The following ANKRD30A variants were observed in gnomAD, a reference collection of about 807,000 sequenced individuals.
ANKRD30A encodes the protein ankyrin repeat domain 30A, also known as ankyrin repeat domain-containing protein 30A.
A neutral mutation model predicts 166.3 loss-of-function variants in ANKRD30A; 170 were observed. The ratio of observed to expected loss-of-function variants is 1.02; its 90% CI spans 0.90 to 1.16. The LOEUF is 1.16. ANKRD30A is among the 50% of genes most tolerant of loss of function. The pLI is 0.00. For missense variants in ANKRD30A, 1,630 were observed against 1,518.0 expected (o/e 1.07, Z -1.23); for synonymous variants, 564 against 508.9 (o/e 1.11, Z -1.46).
chr10:37,199,466 C>T (rs1338725931), intron 29 of ANKRD30A, among the ~76,000 whole-genome samples: 2 of 151,886 alleles, frequency 1.3e-5, no homozygotes, highest in Admixed American at 6.6e-5. Flanking sequence ...TATGTGACTG[C>T]TTTGTGAAGA....
downstream of ANKRD30A, among the ~76,000 whole-genome samples, chr10:37,233,685 A>G (rs1471238207): frequency 2.0e-5 from 3 of 152,188 alleles, no homozygotes; most frequent in African/African-American, 7.2e-5. Flanking sequence ...ATGTTTTCAT[A>G]CCTTCTTTAT....
chr10:37,160,623 A>G (rs568458314), intron 15 of ANKRD30A, among the ~76,000 whole-genome samples: 29 of 152,324 alleles, frequency 1.9e-4, no homozygotes, highest in African/African-American at 6.5e-4. Flanking sequence ...TTTTAAAAAA[A>G]TATAAATCAA....
chr10:37,193,997 C>T (rs1289495083), intron 27 of ANKRD30A, among the ~76,000 whole-genome samples: 1 of 152,078 alleles, frequency 6.6e-6, no homozygotes, highest in Non-Finnish European at 1.5e-5. Context: ...GAGTCCCAGA[C>T]CAGCCTGGTC....
chr10:37,223,857 T>C (rs908229502), intron 34 of ANKRD30A, among the ~76,000 whole-genome samples: 7 of 151,090 alleles, frequency 4.6e-5, no homozygotes, highest in African/African-American at 1.5e-4. Context: ...ACATATGTAT[T>C]GACTTAATGC....
Position 37,219,718 on chromosome 10 carries a change from C to A in ANKRD30A, c.4006C>A (p.Gln1336Lys). 2 of 1,608,856 alleles carry A rather than the reference C, an allele frequency of 1.2e-6. No homozygotes were observed. Among genetic ancestry groups the A allele is most frequent in the Non-Finnish European group, 1.7e-6 (2 of 1,176,976 alleles). ...AAGCAAAAATATGTGGCTTCAACAGCAATTAGTTCATGCACATAAGAAAGC... is the reference window on the plus strand; with the variant it reads ...AAGCAAAAATATGTGGCTTCAACAGAAATTAGTTCATGCACATAAGAAAGC... The part of the protein sequence containing the change: ...LQSKNMWLQQ[Q>K]LVHAHKKADN... Residue 1336 changes from glutamine to lysine, a missense_variant, in exon 34 of 36, where the codon CAA becomes AAA. Physicochemically the swap from Gln to Lys is moderately conservative, Grantham distance 53. Transcript: ENST00000361713.
At chr10:37,230,915 A>C (rs1843385338) in intron 34 of ANKRD30A, among the ~76,000 whole-genome samples, 1 of 152,020 alleles carries the variant, frequency 6.6e-6, no homozygotes, top group African/African-American at 2.4e-5. Context: ...GTTAGTAGCT[A>C]ATTGTCTTTG....
intron 5 of ANKRD30A, chr10:37,135,418 A>C (rs1046343887): frequency 6.6e-6 from 1 of 152,240 alleles, no homozygotes; most frequent in African/African-American, 2.4e-5. Context: ...AAAATGTGTG[A>C]CACCAAGTAT....
rs1009405059 is a variant in ANKRD30A at position 37,216,359 on chromosome 10, A to G, written c.3048A>G (p.Gln1016=). 6.2e-7 allele frequency: 1 copy of G among 1,607,070 alleles called. No homozygotes were observed. Among genetic ancestry groups the G allele is most frequent in the African/African-American group, 1.3e-5 (1 of 74,368 alleles). ...AKEIKSQLEN[Q]KVKWEQELCS... Reference sequence around the variant, plus strand: ...AAATAAAATCACAGTTAGAGAACCAAAAAGTTAAATGGGAACAAGAGCTCT... The same window carrying G: ...AAATAAAATCACAGTTAGAGAACCAGAAAGTTAAATGGGAACAAGAGCTCT... The change falls in exon 32 of 36, where the codon CAA becomes CAG. Residue 1016 remains glutamine (Q), a synonymous_variant. Coordinates refer to ENST00000361713, the MANE Select transcript of ANKRD30A (RefSeq NM_052997.3).
chr10:37,142,600 T>TG (rs1166187393), intron 7 of ANKRD30A, among the ~76,000 whole-genome samples: 1 of 132,556 alleles, frequency 7.5e-6, no homozygotes, highest in Non-Finnish European at 1.6e-5. Flanking sequence ...TTTTTTTTTT[T>TG]GTGAGACAGA....
At chr10:37,184,124 A>T (rs1840244703) in intron 24 of ANKRD30A, among the ~76,000 whole-genome samples, 1 of 150,244 alleles carries the variant, frequency 6.7e-6, no homozygotes, top group South Asian at 2.2e-4. Context: ...GAAGAAGAGC[A>T]GTTGGATAGA....
chr10:37,172,550 T>C (rs1341043410), intron 21 of ANKRD30A, among the ~76,000 whole-genome samples: 6 of 146,338 alleles, frequency 4.1e-5, no homozygotes, highest in African/African-American at 1.5e-4. Context: ...TTTCTTTTTT[T>C]TTTTTTTTTT....
intron 3 of ANKRD30A, among the ~76,000 whole-genome samples, chr10:37,131,942 A>G (rs961156857): frequency 2.1e-4 from 32 of 152,194 alleles, no homozygotes; most frequent in African/African-American, 6.8e-4. Flanking sequence ...TTAAGGATAT[A>G]GAGATAAAAG....
At chr10:37,246,301 G>A in the ANKRD30A span, among the ~76,000 whole-genome samples, 2 of 152,174 alleles carry the variant, frequency 1.3e-5, no homozygotes, top group Non-Finnish European at 1.5e-5. Context: ...GTGTTGAATT[G>A]CATTACATTA....
At chr10:37,146,758 C>T (rs1380611409) in intron 8 of ANKRD30A, among the ~76,000 whole-genome samples, 1 of 152,144 alleles carries the variant, frequency 6.6e-6, no homozygotes, top group East Asian at 1.9e-4. Context: ...AGCACTTAAG[C>T]ACCTGTGGTA....
intron 6 of ANKRD30A, among the ~76,000 whole-genome samples, chr10:37,140,086 G>A (rs1564474765): frequency 1.3e-5 from 2 of 152,038 alleles, no homozygotes; most frequent in Non-Finnish European, 2.9e-5. Context: ...TTTATAAGAA[G>A]GAAAAATATA....
At position 37,167,487 on chromosome 10, in the gene ANKRD30A, A is replaced by G. The variant is rs1564520004; in HGVS notation, c.2155+792A>G. ...AATTTTGAAAACCATAAAACTCTGA[A>G]TTTATGACTTGAATACCTAAATTGT... On this transcript the variant is annotated intron_variant, in intron 19 of 35. Transcript: ENST00000361713. Among the ~76,000 whole-genome samples the G allele has an allele frequency of 2.0e-5, 3 of 151,658 alleles. No individual in the cohort carries two copies. In the South Asian group the frequency reaches 6.2e-4, roughly 32 times the overall value.
intron 19 of ANKRD30A, among the ~76,000 whole-genome samples, chr10:37,166,956 A>G (rs867275063): frequency 6.6e-6 from 1 of 152,108 alleles, no homozygotes; most frequent in Non-Finnish European, 1.5e-5. Context: ...AGAAAGAAGA[A>G]AGTAGTAATA....
chr10:37,231,848 C>T (rs1237795171), intron 35 of ANKRD30A, among the ~76,000 whole-genome samples, 168 bp downstream of exon 35: 2 of 151,958 alleles, frequency 1.3e-5, no homozygotes, highest in African/African-American at 4.8e-5. Flanking sequence ...CTAAAAGTCC[C>T]TGGAGCTCTC....
intron 19 of ANKRD30A, among the ~76,000 whole-genome samples, chr10:37,167,348 G>C (rs1057239870): frequency 2.7e-5 from 4 of 148,332 alleles, no homozygotes; most frequent in Non-Finnish European, 5.9e-5. Context: ...ATTTGAATAA[G>C]ATATACTTGA....
Sources: gnomAD v4.1 joint callset for allele counts (sites outside exome capture counted in the v4.1 genomes callset) on GRCh38, gnomAD v4.1.1 for gene constraint, MANE v1.5 for transcripts, NCBI Gene and HGNC (gene_info 2026-07-23, HGNC 2026-07-21) for gene names.